The following SPAM1 variants were observed in gnomAD, a reference collection of about 807,000 sequenced individuals.
SPAM1 encodes the protein hyaluronidase PH-20.
In SPAM1, 22 loss-of-function variants were observed where a neutral mutation model predicts 29.6. That is an observed-to-expected ratio of 0.74 (90% CI 0.53 to 1.06). The LOEUF is 1.06. SPAM1 is among the 50% of genes least tolerant of loss of function. SPAM1 has a pLI of 0.00. For missense variants in SPAM1, 534 were observed against 604.0 expected, an observed-to-expected ratio of 0.88 and a Z score of 1.21; for synonymous variants, 194 against 204.6, an observed-to-expected ratio of 0.95 and a Z score of 0.44.
chr7:123,953,206 C>T (rs2189689), intron 2 of SPAM1, among the ~76,000 whole-genome samples, 159 bp from the exon 3 acceptor site: 2,382 of 152,130 alleles, frequency 0.016, 55 homozygotes, highest in African/African-American at 0.054. Flanking sequence ...TTGTATCATA[C>T]ATGAGAGGAA....
At chr7:123,965,049 A>G (rs376854755) in intron 5 of SPAM1, among the ~76,000 whole-genome samples, 3 of 152,126 alleles carry the variant, frequency 2.0e-5, no homozygotes, top group South Asian at 2.1e-4. Context: ...TTTACATACA[A>G]CTTCTGATTT....
At chr7:123,934,189 T>C (rs1808180263) in intron 1 of SPAM1, among the ~76,000 whole-genome samples, 1 of 152,128 alleles carries the variant, frequency 6.6e-6, no homozygotes, top group Non-Finnish European at 1.5e-5. Flanking sequence ...TACAAATGCA[T>C]TTTAAATAAC....
rs115444850 is a variant in SPAM1, at chr7:123,935,071, G to A, written c.-319+9719G>A. Among the ~76,000 whole-genome samples the A allele has an allele frequency of 3.3e-3, 502 of 152,206 alleles. 2 individuals are homozygous for A. The highest frequency in any genetic ancestry group is 0.011 in the African/African-American group (477 of 41,548). ...TATTTGGTTATTATGCATTGTATACGTGTATTGAAACACACACCGTACCCT... is the reference window on the plus strand; with the variant it reads ...TATTTGGTTATTATGCATTGTATACATGTATTGAAACACACACCGTACCCT... On this transcript the variant is annotated intron_variant, in intron 1 of 4. Transcript: ENST00000682466.
chr7:123,954,851 G>T, intron 3 of SPAM1, 146 bp from the exon 4 acceptor site: 1 of 617,606 alleles, frequency 1.6e-6, no homozygotes, highest in Non-Finnish European at 2.9e-6. Context: ...TTATAGTAAG[G>T]CAATGGCTGT....
intron 1 of SPAM1, among the ~76,000 whole-genome samples, chr7:123,948,414 T>A (rs898721718): frequency 3.3e-5 from 5 of 152,278 alleles, no homozygotes; most frequent in Non-Finnish European, 7.4e-5. Context: ...AATTTGCTTT[T>A]CATTTTTCAT....
chr7:123,954,473 T>C lies in SPAM1; in HGVS notation c.903T>C (p.Phe301=). The C allele has an allele frequency of 6.2e-7, 1 of 1,612,984 alleles. No individual in the cohort carries two copies. The highest frequency in any genetic ancestry group is 8.5e-7 in the Non-Finnish European group (1 of 1,179,350). ...IPDAKSPLPV[F]AYTRIVFTDQ... Reference sequence around the variant, plus strand: ...ATGCAAAAAGTCCACTTCCGGTTTTTGCATATACCCGCATAGTTTTTACTG... The same window carrying C: ...ATGCAAAAAGTCCACTTCCGGTTTTCGCATATACCCGCATAGTTTTTACTG... Residue 301 remains phenylalanine, a synonymous_variant, in exon 3 of 5, where the codon TTT becomes TTC. Transcript: ENST00000682466.
At chr7:123,964,213 T>A (rs916568583), downstream of SPAM1, among the ~76,000 whole-genome samples, 2 of 151,860 alleles carry the variant, frequency 1.3e-5, no homozygotes, top group African/African-American at 4.8e-5. Context: ...ATATTATCAC[T>A]GATGCATTAC....
At chr7:123,969,691 A>C (rs116103753) in intron 5 of SPAM1, among the ~76,000 whole-genome samples, 1,823 of 151,052 alleles carry the variant, frequency 0.012, 41 homozygotes, top group African/African-American at 0.042. Context: ...TTTGGTTACT[A>C]TAACCTTGTA....
chr7:123,946,508 G>A (rs554738649), intron 1 of SPAM1, among the ~76,000 whole-genome samples: 4 of 152,252 alleles, frequency 2.6e-5, no homozygotes, highest in South Asian at 4.1e-4. Context: ...ATTTTGCCAA[G>A]GTTAAGGACG....
At chr7:123,937,401 A>G (rs1465420680) in intron 1 of SPAM1, among the ~76,000 whole-genome samples, 2 of 152,046 alleles carry the variant, frequency 1.3e-5, no homozygotes, top group Non-Finnish European at 2.9e-5. Context: ...GGAGATCGAG[A>G]CCATCCTGGA....
At chr7:123,965,783 G>A (rs1304826731) in intron 5 of SPAM1, among the ~76,000 whole-genome samples, 1 of 151,964 alleles carries the variant, frequency 6.6e-6, no homozygotes, top group African/African-American at 2.4e-5. Flanking sequence ...TTGCCTGTTT[G>A]GGCTCTTTTT....
chr7:123,965,113 G>A (rs569689130), intron 5 of SPAM1, among the ~76,000 whole-genome samples: 2 of 152,014 alleles, frequency 1.3e-5, no homozygotes, highest in South Asian at 2.1e-4. Flanking sequence ...GACTTGCCCT[G>A]GGTCAGACAG....
At chr7:123,970,202 G>T (rs1792479504) in exon 6 of SPAM1, 1 of 1,548,842 alleles carries the variant, frequency 6.5e-7, no homozygotes, top group African/African-American at 1.4e-5. Context: ...TTACAGTGGA[G>T]GCTGGAAGTC....
At chr7:123,965,299 C>G (rs557294139) in intron 5 of SPAM1, among the ~76,000 whole-genome samples, 2 of 152,020 alleles carry the variant, frequency 1.3e-5, no homozygotes, top group East Asian at 3.9e-4. Flanking sequence ...AGCTTCTGAC[C>G]ATGGGTATCC....
intron 1 of SPAM1, among the ~76,000 whole-genome samples, chr7:123,944,969 A>T (rs948745161): frequency 6.6e-6 from 1 of 152,106 alleles, no homozygotes; most frequent in African/African-American, 2.4e-5. Context: ...AAAATATTAA[A>T]TATAGACAAC....
intron 1 of SPAM1, among the ~76,000 whole-genome samples, chr7:123,927,536 A>G (rs1807927821): frequency 6.6e-6 from 1 of 152,154 alleles, no homozygotes; most frequent in Non-Finnish European, 1.5e-5. Context: ...AAGATGGGCA[A>G]GGCTGATTCA....
downstream of SPAM1, among the ~76,000 whole-genome samples, chr7:123,964,104 A>T (rs6955002): frequency 0.2 from 30,745 of 151,782 alleles, 3,960 homozygotes; most frequent in African/African-American, 0.37. Flanking sequence ...AAAACTACAA[A>T]TTATCTAATT....
chr7:123,945,091 AT>A (rs1290609108), intron 1 of SPAM1, among the ~76,000 whole-genome samples: 5 of 151,930 alleles, frequency 3.3e-5, no homozygotes, highest in Non-Finnish European at 7.4e-5. Flanking sequence ...CAGTCATTTT[AT>A]TTTAGGACAA....
intron 1 of SPAM1, among the ~76,000 whole-genome samples, chr7:123,936,913 T>C (rs1808257383): frequency 6.6e-6 from 1 of 152,184 alleles, no homozygotes; most frequent in African/African-American, 2.4e-5. Flanking sequence ...TTGCTCTGAG[T>C]TTCTACAATT....
Sources: allele counts gnomAD v4.1 joint callset (sites outside exome capture counted in the v4.1 genomes callset), GRCh38; gene constraint gnomAD v4.1.1; transcripts MANE v1.5; gene names NCBI Gene and HGNC (gene_info 2026-07-23, HGNC 2026-07-21).